The following CSMD3 variants were observed in gnomAD, a reference collection of about 807,000 sequenced individuals.
CSMD3 encodes CUB and sushi domain-containing protein 3.
CSMD3 carries 177 observed loss-of-function variants against 435.2 expected under a neutral mutation model. The ratio of observed to expected loss-of-function variants is 0.41; its 90% CI spans 0.36 to 0.46. The LOEUF (loss-of-function observed/expected upper bound fraction) is 0.46. Among genes scored for constraint, CSMD3 ranks in the 20% least tolerant of loss-of-function variants. The probability of loss-of-function intolerance (pLI) is 0.34; values close to 1 mark genes in which losing one functional copy is unlikely to be tolerated. For missense variants in CSMD3, 4,265 were observed against 4,504.6 expected (o/e 0.95, Z 1.52); for synonymous variants, 1,656 against 1,520.5 (o/e 1.09, Z -2.07).
At chr8:113,298,810 A>G (rs1000009599) in intron 2 of CSMD3, among the ~76,000 whole-genome samples, 7 of 152,152 alleles carry the variant, frequency 4.6e-5, no homozygotes, top group African/African-American at 1.7e-4. Flanking sequence ...CAGAAAGGAT[A>G]GCAAACAGTA....
chr8:112,766,055 G>A (rs1258466119), intron 13 of CSMD3, among the ~76,000 whole-genome samples: 1 of 151,472 alleles, frequency 6.6e-6, no homozygotes, highest in African/African-American at 2.4e-5. Context: ...TTCCAATGAA[G>A]GAAAAAATTT....
chr8:112,405,214 CATATATATATATATATATATATAT>C (rs71309768), intron 35 of CSMD3, among the ~76,000 whole-genome samples: 1 of 19,066 alleles, frequency 5.2e-5, no homozygotes, highest in South Asian at 2.7e-3. Flanking sequence ...AAAAAACCCC[CATATATATATATATATATATATAT>C]ATATATATAC....
At chr8:113,323,056 GCTTA>G (rs2093959873) in intron 1 of CSMD3, among the ~76,000 whole-genome samples, 1 of 152,038 alleles carries the variant, frequency 6.6e-6, no homozygotes, top group Non-Finnish European at 1.5e-5. Flanking sequence ...CTCCTGGCTG[GCTTA>G]CTTTTTTAAT....
chr8:112,598,349 C>T (rs1316743775), intron 22 of CSMD3, among the ~76,000 whole-genome samples: 1 of 151,486 alleles, frequency 6.6e-6, no homozygotes, highest in African/African-American at 2.4e-5. Flanking sequence ...CTACAAACCA[C>T]TTCTCGAAGA....
intron 22 of CSMD3, among the ~76,000 whole-genome samples, chr8:112,631,127 T>G (rs1300288096): frequency 6.6e-6 from 1 of 152,058 alleles, no homozygotes; most frequent in African/African-American, 2.4e-5. Flanking sequence ...GATCAATGAC[T>G]AAGAAATGCC....
Position 112,613,651 on chromosome 8 carries a change from G to A in CSMD3, c.3715+23166C>T, listed in dbSNP as rs185069148. On this transcript the variant is annotated intron_variant, in intron 22 of 70. Transcript: ENST00000297405. The stretch of plus-strand genomic sequence containing the variant: ...GAGAAATACTATGGAGTGATTGTAG[G>A]TGACATTCTTACATTCATCTCACAA... Among the ~76,000 whole-genome samples the A allele has an allele frequency of 1.2e-3, 188 of 152,160 alleles. 2 individuals are homozygous for A. The highest frequency in any genetic ancestry group is 1.3e-4 in the Non-Finnish European group (9 of 68,012).
intron 6 of CSMD3, among the ~76,000 whole-genome samples, chr8:112,992,817 CTG>C (rs112676787): frequency 7.3e-5 from 11 of 149,758 alleles, no homozygotes; most frequent in South Asian, 2.1e-4. Context: ...GTATGTGCCT[CTG>C]TGTGTGTGTG....
intron 11 of CSMD3, among the ~76,000 whole-genome samples, chr8:112,846,584 T>C (rs1195987121): frequency 6.6e-6 from 1 of 151,794 alleles, no homozygotes; most frequent in Non-Finnish European, 1.5e-5. Context: ...TTTTTAAAAA[T>C]TGTTTTGTAG....
intron 3 of CSMD3, among the ~76,000 whole-genome samples, chr8:113,224,790 T>G (rs547539958): frequency 6.9e-6 from 1 of 145,942 alleles, no homozygotes; most frequent in East Asian, 2.0e-4. Flanking sequence ...CTGGCTCTTG[T>G]GTAAATTTTT....
rs199567689 is a variant in CSMD3 at position 112,406,644 on chromosome 8, C to T, written c.5689G>A (p.Gly1897Ser). ...GRRIGNEFAVGSSVLFDCNPG... is the reference protein window; with the variant it reads ...GRRIGNEFAVSSSVLFDCNPG... ...TTACAATCAAAAAGAACCGATGAAC[C>T]GACTGCAAATTCATTGCCAATTCTT... Residue 1897 changes from glycine to serine, a missense_variant, in exon 35 of 71, where the codon GGT (glycine) becomes AGT (serine). Transcript: ENST00000297405. 4.2e-5 allele frequency: 68 copies of T among 1,612,436 alleles called. 1 individual carries two copies. In the Middle Eastern group the frequency reaches 6.6e-4, roughly 16 times the overall value.
At chr8:112,666,528 T>C in intron 16 of CSMD3, 113 bp from the exon 17 acceptor site, 1 of 875,078 alleles carries the variant, frequency 1.1e-6, no homozygotes, top group Admixed American at 2.3e-5. Flanking sequence ...ATTAAATAGT[T>C]AATACTATTT....
At chr8:113,428,266 G>T (rs2094649037) in intron 1 of CSMD3, among the ~76,000 whole-genome samples, 1 of 148,948 alleles carries the variant, frequency 6.7e-6, no homozygotes, top group African/African-American at 2.5e-5. Context: ...CTATCTTTCT[G>T]TCTAATCACG....
At chr8:113,375,611 T>A (rs2094377342) in intron 1 of CSMD3, among the ~76,000 whole-genome samples, 1 of 151,836 alleles carries the variant, frequency 6.6e-6, no homozygotes, top group Admixed American at 6.6e-5. Flanking sequence ...TATGGAACCC[T>A]CCTTAGGAAT....
chr8:113,056,998 A>C (rs1231436027), intron 5 of CSMD3, among the ~76,000 whole-genome samples: 1 of 152,120 alleles, frequency 6.6e-6, no homozygotes, highest in Admixed American at 6.6e-5. Flanking sequence ...TAATCTTTAA[A>C]TTTGGGAAGC....
intron 38 of CSMD3, among the ~76,000 whole-genome samples, chr8:112,366,818 G>A (rs937917697): frequency 2.6e-5 from 4 of 152,270 alleles, no homozygotes; most frequent in African/African-American, 9.6e-5. Context: ...AGATGGCATT[G>A]ACATGGTTAA....
intron 22 of CSMD3, among the ~76,000 whole-genome samples, chr8:112,616,349 T>A (rs1161425641): frequency 6.6e-6 from 1 of 152,134 alleles, no homozygotes; most frequent in Non-Finnish European, 1.5e-5. Context: ...GATAAAGAAA[T>A]ATATATTTAA....
At chr8:112,502,635 A>G (rs1822089985) in intron 30 of CSMD3, among the ~76,000 whole-genome samples, 1 of 151,932 alleles carries the variant, frequency 6.6e-6, no homozygotes, top group African/African-American at 2.4e-5. Flanking sequence ...TCCTATGGCA[A>G]ATGCAAAAGG....
Position 112,982,522 on chromosome 8 carries a change from T to C in CSMD3, c.1031-6374A>G, listed in dbSNP as rs117444277. On this transcript the variant is annotated intron_variant, in intron 6 of 70. Coordinates refer to ENST00000297405, the MANE Select transcript of CSMD3 (RefSeq NM_198123.2). ...CTGGGCTTCCCCTAAACAAACAAAA[T>C]GAAACGTCACACACACTTGTTTCAT... is the stretch of plus-strand genomic sequence containing the variant. Among the ~76,000 whole-genome samples the C allele has an allele frequency of 8.9e-3, 1,350 of 152,028 alleles. 18 individuals carry two copies. The highest frequency in any genetic ancestry group is 0.015 in the Non-Finnish European group (1,037 of 67,888).
chr8:113,152,895 C>T (rs2091841671), intron 4 of CSMD3, among the ~76,000 whole-genome samples: 1 of 151,498 alleles, frequency 6.6e-6, no homozygotes, highest in Non-Finnish European at 1.5e-5. Flanking sequence ...CATTTGAACC[C>T]AGGAGGCAGA....
Sources: gnomAD v4.1 joint callset for allele counts (sites outside exome capture counted in the v4.1 genomes callset) on GRCh38, gnomAD v4.1.1 for gene constraint, MANE v1.5 for transcripts, NCBI Gene and HGNC (gene_info 2026-07-23, HGNC 2026-07-21) for gene names.